FOXH1: variants seen among roughly 807,000 people sequenced by gnomAD.
The protein encoded by FOXH1 is forkhead box protein H1.
Under a neutral mutation model 14.2 loss-of-function variants are expected in FOXH1, and 10 were observed. The observed-to-expected ratio is 0.70, with a 90% CI of 0.43 to 1.19. FOXH1 has a LOEUF of 1.19. FOXH1 is among the 50% of genes most tolerant of loss of function. FOXH1 has a pLI of 0.00. For synonymous variants in FOXH1, 273 were observed against 209.5 expected, an observed-to-expected ratio of 1.30 and a Z score of -2.62; for missense variants, 643 against 492.1, an observed-to-expected ratio of 1.31 and a Z score of -2.90.
chr8:144,474,254 G>T lies in FOXH1; in HGVS notation c.1082C>A (p.Ser361Tyr), dbSNP rs1825068559. Reference protein sequence around the residue: ...LAAPGPGWLLSWCSL With the variant: ...LAAPGPGWLLYWCSL ...TTAAGAGCCTCACAGGCTGCACCAG[G>T]AGAGCAGCCAGCCTGGGCCAGGGGC... is the stretch of plus-strand genomic sequence containing the variant. Residue 361 changes from serine to tyrosine, a missense_variant, in exon 3 of 3, where the codon TCC (serine) becomes TAC (tyrosine). Transcript: ENST00000377317. 1 of 1,583,058 alleles carries T rather than the reference G, an allele frequency of 6.3e-7. No homozygotes were observed. The highest frequency in any genetic ancestry group is 8.6e-7 in the Non-Finnish European group (1 of 1,163,900).
rs1586726334 is a variant in FOXH1 at position 144,473,451 on chromosome 8, T to G, written c.*787A>C. On this transcript the variant is annotated 3_prime_UTR_variant, in exon 3 of 3. Coordinates refer to ENST00000377317, the MANE Select transcript of FOXH1 (RefSeq NM_003923.3). Reference sequence around the variant, plus strand: ...AGGTCTCTGCTGGCAGAGGCGGTAGTAAAGTCCCTGTACCCCGTCTCCCAG... The same window carrying G: ...AGGTCTCTGCTGGCAGAGGCGGTAGGAAAGTCCCTGTACCCCGTCTCCCAG... The G allele has an allele frequency of 6.6e-7, 1 of 1,513,642 alleles. No homozygotes were observed. The highest frequency in any genetic ancestry group is 1.4e-5 in the African/African-American group (1 of 72,328). The allele number at this position is 1,513,642 out of a possible 1,614,324, so 93.8% of individuals were successfully genotyped here.
Position 144,473,654 on chromosome 8 carries a change from A to C in FOXH1, c.*584T>G. 2.0e-6 allele frequency: 1 copy of C among 511,292 alleles called. No individual in the cohort carries two copies. Among genetic ancestry groups the C allele is most frequent in the Non-Finnish European group, 3.3e-6 (1 of 302,128 alleles). 31.7% of individuals were successfully genotyped at this position (511,292 alleles called of 1,614,324 possible). ...TATCACCATTTGCTGTTATCACGGC[A>C]CACAGCAGGGAATCCCAGGCCCCCC... is the stretch of plus-strand genomic sequence containing the variant. On this transcript the variant is annotated 3_prime_UTR_variant, in exon 3 of 3. Coordinates refer to ENST00000377317, the MANE Select transcript of FOXH1 (RefSeq NM_003923.3).
chr8:144,473,488 C>T lies in FOXH1; in HGVS notation c.*750G>A, dbSNP rs921681358. 5.6e-6 allele frequency: 8 copies of T among 1,435,936 alleles called. No homozygotes were observed. The highest frequency in any genetic ancestry group is 2.7e-5 in the Admixed American group (1 of 36,946). The allele number at this position is 1,435,936 out of a possible 1,614,324, so 88.9% of individuals were successfully genotyped here. A position where few individuals can be genotyped will look rare whatever the true frequency, so the allele number is the denominator to read the frequency against. Reference sequence around the variant, plus strand: ...ACCCCGTCTCCCAGGGCACAAGCTCCCTAGCCTCTTTGGATCCATTGCCCC... The same window carrying T: ...ACCCCGTCTCCCAGGGCACAAGCTCTCTAGCCTCTTTGGATCCATTGCCCC... On this transcript the variant is annotated 3_prime_UTR_variant, in exon 3 of 3. Coordinates refer to ENST00000377317, the MANE Select transcript of FOXH1 (RefSeq NM_003923.3).
rs1389639035 is a variant in FOXH1, at chr8:144,474,646, C to T, written c.690G>A (p.Gly230=). 1.9e-6 allele frequency: 3 copies of T among 1,566,012 alleles called. No individual in the cohort carries two copies. The highest frequency in any genetic ancestry group is 1.7e-6 in the Non-Finnish European group (2 of 1,154,514). The change falls in exon 3 of 3, where the codon GGG becomes GGA. Residue 230 remains glycine, a synonymous_variant. Transcript: ENST00000377317. ...CGATGGCTCCCCCCTGCACAGTCTCCCCCTCCACTCTCGTGGGGCCAGGAA... is the reference window on the plus strand; with the variant it reads ...CGATGGCTCCCCCCTGCACAGTCTCTCCCTCCACTCTCGTGGGGCCAGGAA... ...CPLPGPTRVE[G]ETVQGGAIGP...
rs1036309315 is a variant in FOXH1, at chr8:144,474,399, C to A, written c.937G>T (p.Val313Leu). The A allele has an allele frequency of 6.2e-6, 10 of 1,613,098 alleles. No individual in the cohort carries two copies. The highest frequency in any genetic ancestry group is 1.7e-5 in the Admixed American group (1 of 60,008). ...CPSTSPAYWG[V>L]APETRGPPGL... ...GGGGGCCCTCGGGTTTCAGGGGCCACCCCCCAGTAGGCAGGGCTGGTTGAC... is the reference window on the plus strand; with the variant it reads ...GGGGGCCCTCGGGTTTCAGGGGCCAACCCCCAGTAGGCAGGGCTGGTTGAC... Residue 313 changes from valine (V) to leucine (L), a missense_variant, in exon 3 of 3, where the codon GTG becomes TTG. By Grantham distance (32) the Val-to-Leu change is conservative. Transcript: ENST00000377317.
At chr8:144,475,106 A>G (rs771910373) in intron 2 of FOXH1, 50 bp from the exon 3 acceptor site, 13 of 1,604,610 alleles carry the variant, frequency 8.1e-6, no homozygotes, top group South Asian at 1.1e-5. Context: ...TTGGATGCTC[A>G]GGACTTCCGC....
chr8:144,475,303 G>C (rs753200502), intron 1 of FOXH1, 42 bp from the exon 2 acceptor site: 1 of 1,531,378 alleles, frequency 6.5e-7, no homozygotes, highest in South Asian at 1.1e-5. Flanking sequence ...GAGCCCAGAC[G>C]GGGAGGGGGT....
At position 144,475,588 on chromosome 8, in the gene FOXH1, C is replaced by T; in HGVS notation, c.169G>A (p.Ala57Thr). The change falls in exon 1 of 3, where the codon GCC (alanine) becomes ACC (threonine). Residue 57 changes from alanine to threonine, a missense_variant. Physicochemically the swap from Ala to Thr is moderately conservative, Grantham distance 58. Coordinates refer to ENST00000377317, the MANE Select transcript of FOXH1 (RefSeq NM_003923.3). ...GGGGGCCGGGGCCCGCTCACCTGGGCCAGCTTCAGTCTGCGGGAGGGAGCG... is the reference window on the plus strand; with the variant it reads ...GGGGGCCGGGGCCCGCTCACCTGGGTCAGCTTCAGTCTGCGGGAGGGAGCG... ...QAAPSRRLKL[A>T]QIIRQVQAVF... 2 of 1,449,006 alleles carry T rather than the reference C, an allele frequency of 1.4e-6. No homozygotes were observed. Among genetic ancestry groups the T allele is most frequent in the Non-Finnish European group, 1.8e-6 (2 of 1,097,894 alleles). 89.8% of individuals were successfully genotyped at this position (1,449,006 alleles called of 1,614,324 possible).
At position 144,474,783 on chromosome 8, in the gene FOXH1, G is replaced by T. The variant is rs774922800; in HGVS notation, c.553C>A (p.Leu185Ile). The T allele has an allele frequency of 5.6e-6, 9 of 1,601,456 alleles. No homozygotes were observed. The East Asian group carries it at 1.1e-4, about 20-fold the overall frequency. Residue 185 changes from leucine (L) to isoleucine (I), a missense_variant, in exon 3 of 3, where the codon CTA becomes ATA. Physicochemically the swap from Leu to Ile is conservative, Grantham distance 5. Transcript: ENST00000377317. ...GGAACTGGGCTGCTCTGTGGAGCTAGCCCCGGCCAGGGTGCCCCCTCCCCG... is the reference window on the plus strand; with the variant it reads ...GGAACTGGGCTGCTCTGTGGAGCTATCCCCGGCCAGGGTGCCCCCTCCCCG... ...GSGEGAPWPG[L>I]APQSSPVPAG... is the part of the protein sequence containing the mutation.
rs750249241 is a variant in FOXH1, at chr8:144,474,304, C to T, written c.1032G>A (p.Trp344Ter). The T allele has an allele frequency of 2.5e-6, 4 of 1,609,950 alleles. No homozygotes were observed. Among genetic ancestry groups the T allele is most frequent in the Non-Finnish European group, 2.5e-6 (3 of 1,177,878 alleles). The change falls in exon 3 of 3, where the codon TGG becomes TGA. Residue 344 changes from tryptophan to a stop codon, truncating the protein, a stop_gained. Transcript: ENST00000377317. LOFTEE classifies it high-confidence loss of function. ...VPPNKSIYDV[W>*]VSHPRDLAAP... The stretch of plus-strand genomic sequence containing the variant: ...CCGCCAGGTCCCGAGGGTGGCTGAC[C>T]CAAACGTCGTAGATGCTTTTGTTGG...
In FOXH1 at chr8:144,475,659, T is replaced by A. The variant is rs139312396; in HGVS notation, c.98A>T (p.Lys33Met). 7.0e-7 allele frequency: 1 copy of A among 1,423,410 alleles called. No individual in the cohort carries two copies. The highest frequency in any genetic ancestry group is 9.2e-7 in the Non-Finnish European group (1 of 1,086,126). 88.2% of individuals were successfully genotyped at this position (1,423,410 alleles called of 1,614,324 possible). A position where few individuals can be genotyped will look rare whatever the true frequency, so the allele number is the denominator to read the frequency against. The change falls in exon 1 of 3, where the codon AAG becomes ATG. Residue 33 changes from lysine (K) to methionine (M), a missense_variant. Lys to Met is a moderately conservative substitution (Grantham distance 95, BLOSUM62 -1). Coordinates refer to ENST00000377317, the MANE Select transcript of FOXH1 (RefSeq NM_003923.3). ...RRKKRYLRHD[K>M]PPYTYLAMIA... ...CATGGCCAAGTAGGTGTAGGGGGGC[T>A]TGTCATGTCGCAGGTACCTCTTCTT...
Position 144,474,504 on chromosome 8 carries a change from G to T in FOXH1, c.832C>A (p.Pro278Thr), listed in dbSNP as rs1364663142. The change falls in exon 3 of 3, where the codon CCC becomes ACC. Residue 278 changes from proline (P) to threonine (T), a missense_variant. Pro to Thr is a conservative substitution (Grantham distance 38). Coordinates refer to ENST00000377317, the MANE Select transcript of FOXH1 (RefSeq NM_003923.3). ...GHRASLWGQL[P>T]TSYLPIYTPN... Reference sequence around the variant, plus strand: ...GTGTAGATAGGCAAGTAGGAGGTGGGCAGCTGCCCCCAGAGGGAGGCCCTG... The same window carrying T: ...GTGTAGATAGGCAAGTAGGAGGTGGTCAGCTGCCCCCAGAGGGAGGCCCTG... 3.7e-6 allele frequency: 6 copies of T among 1,611,204 alleles called. No individual in the cohort carries two copies. Among genetic ancestry groups the T allele is most frequent in the Non-Finnish European group, 5.1e-6 (6 of 1,179,954 alleles).
At chr8:144,475,379 A>G (rs573645467) in intron 1 of FOXH1, 118 bp from the exon 2 acceptor site, 1 of 986,410 alleles carries the variant, frequency 1.0e-6, no homozygotes. Flanking sequence ...CTGTCCCCGA[A>G]GAAGGACATT....
chr8:144,473,690 T>C lies in FOXH1; in HGVS notation c.*548A>G, dbSNP rs879837025. 1.2e-5 allele frequency: 6 copies of C among 482,608 alleles called. No homozygotes were observed. Among genetic ancestry groups the C allele is most frequent in the Non-Finnish European group, 2.2e-5 (6 of 278,840 alleles). 29.9% of individuals were successfully genotyped at this position (482,608 alleles called of 1,614,324 possible). On this transcript the variant is annotated 3_prime_UTR_variant, in exon 3 of 3. Coordinates refer to ENST00000377317, the MANE Select transcript of FOXH1 (RefSeq NM_003923.3). ...AATCCCAGGCCCCCCCGCCAAGTGG[T>C]TACCCAAGTCACCACTCCTGACCCA...
intron 1 of FOXH1, 22 bp downstream of exon 1, chr8:144,475,561 G>T: frequency 1.4e-6 from 2 of 1,447,218 alleles, no homozygotes; most frequent in Non-Finnish European, 1.8e-6. Context: ...GAAAGAGAGA[G>T]TGGGGGCCGG....
Position 144,475,832 on chromosome 8 carries a change from G to A in FOXH1, c.-76C>T. The A allele has an allele frequency of 9.3e-7, 1 of 1,072,802 alleles. No homozygotes were observed. Among genetic ancestry groups the A allele is most frequent in the South Asian group, 4.2e-5 (1 of 23,548 alleles). 66.5% of individuals were successfully genotyped at this position (1,072,802 alleles called of 1,614,324 possible). ...GGCGGTGGGGCAGTGTAGAAGGCAG[G>A]GCCGGGACCTGAGGCCGGGCTGGGG... On this transcript the variant is annotated 5_prime_UTR_variant, in exon 1 of 3. Transcript: ENST00000377317.
At position 144,474,670 on chromosome 8, in the gene FOXH1, A is replaced by T. The variant is rs1825086033; in HGVS notation, c.666T>A (p.Leu222=). The part of the protein sequence containing the change: ...SERPLWPLCP[L]PGPTRVEGET... Reference sequence around the variant, plus strand: ...CCCCCTCCACTCTCGTGGGGCCAGGAAGGGGGCAGAGGGGCCACAGAGGCC... The same window carrying T: ...CCCCCTCCACTCTCGTGGGGCCAGGTAGGGGGCAGAGGGGCCACAGAGGCC... The change falls in exon 3 of 3, where the codon CTT becomes CTA. Residue 222 remains leucine, a synonymous_variant. Transcript: ENST00000377317. 6.5e-7 allele frequency: 1 copy of T among 1,548,950 alleles called. No individual in the cohort carries two copies. Among genetic ancestry groups the T allele is most frequent in the Non-Finnish European group, 8.7e-7 (1 of 1,145,906 alleles).
chr8:144,475,664 A>G lies in FOXH1; in HGVS notation c.93T>C (p.His31=). The G allele has an allele frequency of 1.4e-6, 2 of 1,420,552 alleles. No individual in the cohort carries two copies. Among genetic ancestry groups the G allele is most frequent in the East Asian group, 2.6e-5 (1 of 38,070 alleles). 88.0% of individuals were successfully genotyped at this position (1,420,552 alleles called of 1,614,324 possible). A position where few individuals can be genotyped will look rare whatever the true frequency, so the allele number is the denominator to read the frequency against. Residue 31 remains histidine, a synonymous_variant, in exon 1 of 3, where the codon CAT becomes CAC. Transcript: ENST00000377317. ...PKRRKKRYLR[H]DKPPYTYLAM... Reference sequence around the variant, plus strand: ...CCAAGTAGGTGTAGGGGGGCTTGTCATGTCGCAGGTACCTCTTCTTCCTCC... The same window carrying G: ...CCAAGTAGGTGTAGGGGGGCTTGTCGTGTCGCAGGTACCTCTTCTTCCTCC...
Position 144,474,026 on chromosome 8 carries a change from GA to G in FOXH1, c.*211del, listed in dbSNP as rs1825058106. ...CCTGCAGCTTTGCCGCTGAGTGTAG[GA>G]AAAACAGGCATGACAGACCAGGGTG... On this transcript the variant is annotated 3_prime_UTR_variant, in exon 3 of 3. Coordinates refer to ENST00000377317, the MANE Select transcript of FOXH1 (RefSeq NM_003923.3). The G allele has an allele frequency of 1.7e-6, 1 of 579,682 alleles. No homozygotes were observed. The highest frequency in any genetic ancestry group is 1.9e-5 in the African/African-American group (1 of 53,766). The allele number at this position is 579,682 out of a possible 1,614,324, so 35.9% of individuals were successfully genotyped here.
Sources: allele counts gnomAD v4.1 joint callset, GRCh38; gene constraint gnomAD v4.1.1; transcripts MANE v1.5; gene names NCBI Gene and HGNC (gene_info 2026-07-23, HGNC 2026-07-21).